Variants in PRRX1 observed in about 807,000 individuals in gnomAD.
PRRX1 encodes paired related homeobox 1, also known as paired mesoderm homeobox protein 1.
PRRX1 carries 8 observed loss-of-function variants against 24.0 expected under a neutral mutation model. That is an observed-to-expected ratio of 0.33 (90% CI 0.20 to 0.60). PRRX1 has a LOEUF of 0.60. PRRX1 is among the 20% of genes least tolerant of loss of function. The probability of loss-of-function intolerance (pLI) is 0.82; values close to 1 mark genes in which losing one functional copy is unlikely to be tolerated. For synonymous variants in PRRX1, 160 were observed against 131.7 expected, an observed-to-expected ratio of 1.22 and a Z score of -1.47; for missense variants, 281 against 322.4, an observed-to-expected ratio of 0.87 and a Z score of 0.98.
intron 1 of PRRX1, among the ~76,000 whole-genome samples, chr1:170,685,783 C>A (rs1052205977): frequency 2.6e-5 from 4 of 151,976 alleles, no homozygotes; most frequent in African/African-American, 9.7e-5. Flanking sequence ...GGGTAACAAG[C>A]TGCTAGGGAT....
At chr1:170,702,520 T>C (rs762085534) in intron 1 of PRRX1, among the ~76,000 whole-genome samples, 7 of 152,130 alleles carry the variant, frequency 4.6e-5, no homozygotes, top group Non-Finnish European at 8.8e-5. Flanking sequence ...GCAAAGCAGA[T>C]CCATATCTCT....
chr1:170,692,465 G>A (rs906288276), intron 1 of PRRX1, among the ~76,000 whole-genome samples: 1 of 151,572 alleles, frequency 6.6e-6, no homozygotes, highest in African/African-American at 2.4e-5. Context: ...TGTAGTTAAG[G>A]GATCACCTTA....
chr1:170,675,795 GA>G (rs1260291553), intron 1 of PRRX1, among the ~76,000 whole-genome samples: 3 of 152,090 alleles, frequency 2.0e-5, no homozygotes, highest in African/African-American at 4.8e-5. Context: ...TTTATTTAGG[GA>G]AAGTATTAAC....
chr1:170,705,308 T>C (rs528294347), intron 1 of PRRX1, among the ~76,000 whole-genome samples: 1 of 152,234 alleles, frequency 6.6e-6, no homozygotes, highest in African/African-American at 2.4e-5. Context: ...TTTTGGCAGG[T>C]TCTCACTCTG....
At chr1:170,672,728 C>G (rs919553948) in intron 1 of PRRX1, among the ~76,000 whole-genome samples, 1 of 152,222 alleles carries the variant, frequency 6.6e-6, no homozygotes, top group Non-Finnish European at 1.5e-5. Context: ...AGTGTAAGAC[C>G]TAGCCAGCAC....
intron 2 of PRRX1, among the ~76,000 whole-genome samples, chr1:170,723,102 C>T (rs548999213): frequency 2.7e-4 from 41 of 152,206 alleles, no homozygotes; most frequent in Middle Eastern, 3.4e-3. Context: ...TGATATAAAA[C>T]GAGGCAATAA....
rs1655714029 is a variant in PRRX1 at position 170,739,106 on chromosome 1, G to T, written c.*2920G>T. 2 of 214,224 alleles carry T rather than the reference G, an allele frequency of 9.3e-6. No homozygotes were observed. The highest frequency in any genetic ancestry group is 1.9e-5 in the Non-Finnish European group (2 of 105,980). 13.3% of individuals were successfully genotyped at this position (214,224 alleles called of 1,614,324 possible). On this transcript the variant is annotated 3_prime_UTR_variant, in exon 4 of 4. Coordinates refer to ENST00000239461, the MANE Select transcript of PRRX1 (RefSeq NM_022716.4). Reference sequence around the variant, plus strand: ...AGTGGAGGTCCTCAGGGCTGCAAATGTCAAGACATAACCCTGTTCCTCACC... The same window carrying T: ...AGTGGAGGTCCTCAGGGCTGCAAATTTCAAGACATAACCCTGTTCCTCACC...
intron 1 of PRRX1, among the ~76,000 whole-genome samples, chr1:170,692,014 C>T (rs575888673): frequency 1.3e-5 from 2 of 152,098 alleles, no homozygotes; most frequent in Non-Finnish European, 2.9e-5. Context: ...TACAAAGCTC[C>T]CTGTCCTTTA....
intron 1 of PRRX1, among the ~76,000 whole-genome samples, chr1:170,687,543 C>T (rs1055481838): frequency 1.3e-5 from 2 of 152,146 alleles, no homozygotes; most frequent in African/African-American, 2.4e-5. Context: ...TCTATGAAGT[C>T]GCCCTCTGAG....
chr1:170,732,419 T>C (rs927246487), intron 3 of PRRX1, among the ~76,000 whole-genome samples: 1 of 152,172 alleles, frequency 6.6e-6, no homozygotes, highest in Non-Finnish European at 1.5e-5. Flanking sequence ...TCTAATGCCA[T>C]TTTTGAAGAA....
Position 170,736,124 on chromosome 1 carries a change from A to G in PRRX1, c.676A>G (p.Asn226Asp), listed in dbSNP as rs1338416766. 4 of 1,614,066 alleles carry G rather than the reference A, an allele frequency of 2.5e-6. No individual in the cohort carries two copies. Among genetic ancestry groups the G allele is most frequent in the African/African-American group, 1.3e-5 (1 of 74,932 alleles). ...QGINMANSIA[N>D]LRLKAKEYSL... Reference sequence around the variant, plus strand: ...CATCAACATGGCCAACAGCATTGCCAACCTGAGACTGAAGGCCAAGGAATA... The same window carrying G: ...CATCAACATGGCCAACAGCATTGCCGACCTGAGACTGAAGGCCAAGGAATA... The change falls in exon 4 of 4, where the codon AAC becomes GAC. Residue 226 changes from asparagine to aspartate, a missense_variant. Asn to Asp is a conservative substitution (Grantham distance 23). Transcript: ENST00000239461.
chr1:170,731,221 C>T (rs1004129880), intron 3 of PRRX1, among the ~76,000 whole-genome samples: 1 of 152,148 alleles, frequency 6.6e-6, no homozygotes, highest in Non-Finnish European at 1.5e-5. Context: ...AGTATGCCTC[C>T]GTTGTTCTTG....
chr1:170,713,574 A>C (rs1353797808), intron 1 of PRRX1, among the ~76,000 whole-genome samples: 1 of 152,166 alleles, frequency 6.6e-6, no homozygotes, highest in East Asian at 1.9e-4. Flanking sequence ...ACTTGAAAGG[A>C]GGGTTGGCTA....
chr1:170,701,299 C>T (rs1224593535), intron 1 of PRRX1, among the ~76,000 whole-genome samples: 1 of 152,180 alleles, frequency 6.6e-6, no homozygotes, highest in African/African-American at 2.4e-5. Context: ...AAATTTTGAG[C>T]TCCTTGTGGG....
intron 1 of PRRX1, among the ~76,000 whole-genome samples, chr1:170,686,981 C>T (rs1053088645): frequency 3.9e-5 from 6 of 152,070 alleles, no homozygotes; most frequent in Non-Finnish European, 7.4e-5. Flanking sequence ...CCCAAATGCA[C>T]GTCATTCAAG....
At chr1:170,718,916 G>A (rs1247275624) in intron 1 of PRRX1, among the ~76,000 whole-genome samples, 1 of 152,186 alleles carries the variant, frequency 6.6e-6, no homozygotes, top group Non-Finnish European at 1.5e-5. Context: ...AGAAAACCAA[G>A]GAAGGATCTT....
intron 1 of PRRX1, among the ~76,000 whole-genome samples, chr1:170,675,762 A>AT (rs1653302085): frequency 6.6e-6 from 1 of 152,194 alleles, no homozygotes; most frequent in Non-Finnish European, 1.5e-5. Flanking sequence ...AGATTAAAAC[A>AT]TTTGCCTGAT....
intron 1 of PRRX1, among the ~76,000 whole-genome samples, chr1:170,703,296 A>G (rs558577564): frequency 9.2e-5 from 14 of 152,238 alleles, no homozygotes; most frequent in African/African-American, 3.1e-4. Flanking sequence ...AAACTACCAG[A>G]TGTCGTCCAT....
chr1:170,667,928 A>C (rs1267930759), intron 1 of PRRX1: 4 of 152,228 alleles, frequency 2.6e-5, no homozygotes, highest in African/African-American at 9.6e-5. Flanking sequence ...GAATATAGTT[A>C]GAAGGAGTAG....
Sources: allele counts gnomAD v4.1 joint callset (sites outside exome capture counted in the v4.1 genomes callset), GRCh38; gene constraint gnomAD v4.1.1; transcripts MANE v1.5; gene names NCBI Gene and HGNC (gene_info 2026-07-23, HGNC 2026-07-21).